The following BRD9 variants were observed in gnomAD, a reference collection of about 807,000 sequenced individuals.
The protein encoded by BRD9 is bromodomain-containing protein 9.
In BRD9, 47 loss-of-function variants were observed where a neutral mutation model predicts 68.7. The observed-to-expected ratio is 0.68, with a 90% CI of 0.54 to 0.87. The LOEUF is 0.87. BRD9 is among the 40% of genes least tolerant of loss of function. The pLI is 0.00. For synonymous variants in BRD9, 313 were observed against 293.9 expected, an observed-to-expected ratio of 1.06 and a Z score of -0.67; for missense variants, 670 against 748.4, an observed-to-expected ratio of 0.90 and a Z score of 1.22.
intron 3 of BRD9, among the ~76,000 whole-genome samples, chr5:890,815 A>T (rs1169746178): frequency 6.6e-6 from 1 of 152,206 alleles, no homozygotes; most frequent in Non-Finnish European, 1.5e-5. Context: ...AAGGCCAGAC[A>T]AAAAACAGTC....
chr5:874,113 T>G (rs1406518442), intron 12 of BRD9, among the ~76,000 whole-genome samples: 1 of 152,202 alleles, frequency 6.6e-6, no homozygotes, highest in Non-Finnish European at 1.5e-5. Context: ...AAATGTTTTT[T>G]TATCTTTTTT....
At chr5:885,398 C>A (rs934903839) in intron 7 of BRD9, among the ~76,000 whole-genome samples, 11 of 152,198 alleles carry the variant, frequency 7.2e-5, no homozygotes, top group African/African-American at 2.7e-4. Flanking sequence ...CTGCTCAGAG[C>A]AGAAGCACCG....
chr5:875,756 T>C (rs1449949569), intron 12 of BRD9, among the ~76,000 whole-genome samples: 2 of 152,138 alleles, frequency 1.3e-5, no homozygotes, highest in Non-Finnish European at 2.9e-5. Flanking sequence ...AAAATGAAGA[T>C]GAAATAAAGA....
chr5:876,226 G>C lies in BRD9; in HGVS notation c.1272-14C>G, dbSNP rs376527594. Reference sequence around the variant, plus strand: ...AACTCCTGCAGGCTAGAGGGGCCGCGGGAGAAGGTACGCTGAAAGGAGCCC... The same window carrying C: ...AACTCCTGCAGGCTAGAGGGGCCGCCGGAGAAGGTACGCTGAAAGGAGCCC... On this transcript the variant is annotated splice_polypyrimidine_tract_variant and intron_variant, in intron 11 of 15. Transcript: ENST00000467963. The C allele has an allele frequency of 6.2e-7, 1 of 1,600,328 alleles. No homozygotes were observed. The highest frequency in any genetic ancestry group is 1.3e-5 in the African/African-American group (1 of 74,784).
chr5:870,089 G>A (rs894599122), intron 14 of BRD9, among the ~76,000 whole-genome samples: 9 of 152,230 alleles, frequency 5.9e-5, no homozygotes, highest in Admixed American at 2.0e-4. Context: ...GAGGGGACCC[G>A]TGGGAAGGGG....
chr5:884,019 T>G lies in BRD9; in HGVS notation c.885A>C (p.Ala295=). Residue 295 remains alanine, a synonymous_variant, in exon 8 of 16, where the codon GCA becomes GCC. Transcript: ENST00000467963. ...GNACSLTDST[A]EEHVLALVEH... is the part of the protein sequence containing the mutation. ...CCACCAGCGCCAGCACGTGCTCCTC[T>G]GCGGTACTGTCCGTCAAGCTGCAGG... 1.9e-6 allele frequency: 3 copies of G among 1,613,948 alleles called. No individual in the cohort carries two copies. The highest frequency in any genetic ancestry group is 2.5e-6 in the Non-Finnish European group (3 of 1,180,034).
intron 13 of BRD9, among the ~76,000 whole-genome samples, chr5:870,899 C>A (rs989951309): frequency 1.3e-5 from 2 of 152,220 alleles, no homozygotes; most frequent in African/African-American, 4.8e-5. Flanking sequence ...ATTTTAGGGT[C>A]CAGGACTATT....
Position 864,301 on chromosome 5 carries a change from C to T in BRD9, c.*167G>A, listed in dbSNP as rs981924820. ...ACTCCACTCCTCAGGGTTCGTGGGG[C>T]TTGGAGACTCTGCTGACATGATACC... On this transcript the variant is annotated 3_prime_UTR_variant, in exon 16 of 16. Coordinates refer to ENST00000467963, the MANE Select transcript of BRD9 (RefSeq NM_023924.5). 22 of 545,742 alleles carry T rather than the reference C, an allele frequency of 4.0e-5. No homozygotes were observed. Among genetic ancestry groups the T allele is most frequent in the Non-Finnish European group, 7.1e-5 (22 of 310,678 alleles). 33.8% of individuals were successfully genotyped at this position (545,742 alleles called of 1,614,324 possible).
At chr5:889,787 C>A in intron 3 of BRD9, 140 bp from the exon 4 acceptor site, 1 of 1,483,840 alleles carries the variant, frequency 6.7e-7, no homozygotes, top group African/African-American at 1.4e-5. Flanking sequence ...AAAGATACAT[C>A]CGACTCAGCC....
intron 5 of BRD9, 128 bp downstream of exon 5, chr5:888,893 A>G: frequency 1.0e-6 from 1 of 981,352 alleles, no homozygotes; most frequent in Non-Finnish European, 1.5e-6. Context: ...TCTGTAAAAC[A>G]TCATCCGAAC....
At chr5:890,101 TGGGA>T (rs1753138580) in intron 3 of BRD9, 1 of 319,372 alleles carries the variant, frequency 3.1e-6, no homozygotes, top group Admixed American at 4.2e-5. Flanking sequence ...GAGGCTGAGG[TGGGA>T]GGATCGCTTG....
chr5:869,427 T>C (rs1239111650), intron 14 of BRD9: 2 of 452,836 alleles, frequency 4.4e-6, no homozygotes, highest in Non-Finnish European at 8.9e-6. Context: ...TCTCAAAATA[T>C]ATCCCTTTGA....
chr5:877,472 G>C (rs747049524), intron 11 of BRD9, among the ~76,000 whole-genome samples: 4 of 152,164 alleles, frequency 2.6e-5, no homozygotes, highest in Non-Finnish European at 5.9e-5. Context: ...AACATATTCT[G>C]CATTCTTGTT....
intron 12 of BRD9, among the ~76,000 whole-genome samples, chr5:873,187 A>T (rs890433032): frequency 6.6e-6 from 1 of 152,136 alleles, no homozygotes; most frequent in Non-Finnish European, 1.5e-5. Flanking sequence ...AAAAAGAAAG[A>T]AAGTAAAGAT....
intron 4 of BRD9, 115 bp from the exon 5 acceptor site, chr5:889,280 A>G (rs1208600465): frequency 8.6e-7 from 1 of 1,165,236 alleles, no homozygotes; most frequent in East Asian, 2.6e-5. Flanking sequence ...AAAATAAAAA[A>G]GTTACGAGCG....
intron 8 of BRD9, chr5:882,493 C>A (rs577807547): frequency 6.1e-6 from 1 of 162,850 alleles, no homozygotes. Flanking sequence ...CCTCCCAACA[C>A]GTGAGCCACA....
intron 14 of BRD9, among the ~76,000 whole-genome samples, chr5:869,794 G>C (rs1437584886): frequency 6.6e-6 from 1 of 152,158 alleles, no homozygotes; most frequent in African/African-American, 2.4e-5. Context: ...AAGTTGTCCC[G>C]CCTTTCCAAC....
intron 11 of BRD9, among the ~76,000 whole-genome samples, chr5:877,820 G>A (rs542424531): frequency 2.8e-4 from 42 of 152,264 alleles, no homozygotes; most frequent in Admixed American, 4.6e-4. Context: ...GAGGCCATTA[G>A]GGTGGCCCTG....
rs374384429 is a variant in BRD9, at chr5:865,115, C to T, written c.1693+299G>A. Among the ~76,000 whole-genome samples, 16 of 152,366 alleles carry T rather than the reference C, an allele frequency of 1.1e-4. No homozygotes were observed. In the East Asian group the frequency reaches 2.3e-3, roughly 22 times the overall value. ...TGGCCAAGGAAGCCATGCTCTCTCC[C>T]CAGCAGAAACACTGGAACCAGGGTC... On this transcript the variant is annotated intron_variant, in intron 15 of 15. Transcript: ENST00000467963.
Sources: allele counts gnomAD v4.1 joint callset (sites outside exome capture counted in the v4.1 genomes callset), GRCh38; gene constraint gnomAD v4.1.1; transcripts MANE v1.5; gene names NCBI Gene and HGNC (gene_info 2026-07-23, HGNC 2026-07-21).